The following ITPK1 variants were observed in gnomAD, a reference collection of about 807,000 sequenced individuals.
ITPK1 encodes inositol 1,3,4-trisphosphate 5/6-kinase.
ITPK1 carries 21 observed loss-of-function variants against 45.3 expected under a neutral mutation model. That is an observed-to-expected ratio of 0.46 (90% CI 0.33 to 0.67). The LOEUF is 0.67. ITPK1 is among the 30% of genes least tolerant of loss of function. The pLI is 0.02. For synonymous variants in ITPK1, 258 were observed against 253.6 expected, an observed-to-expected ratio of 1.02 and a Z score of -0.16; for missense variants, 474 against 573.5, an observed-to-expected ratio of 0.83 and a Z score of 1.77.
rs187360802 is a variant in ITPK1, at chr14:93,054,179, C to T, written c.120+22416G>A. 1.4e-3 allele frequency among the ~76,000 whole-genome samples: 215 copies of T among 152,266 alleles called. 1 individual carries two copies. The East Asian group carries it at 0.019, about 14-fold the overall frequency. On this transcript the variant is annotated intron_variant, in intron 3 of 10. Transcript: ENST00000267615. Reference sequence around the variant, plus strand: ...GAGTCCCCACTTCTAGCAAGTGAACCGAGCCAGTCACCCACGTGTAGCTGC... The same window carrying T: ...GAGTCCCCACTTCTAGCAAGTGAACTGAGCCAGTCACCCACGTGTAGCTGC...
intron 4 of ITPK1, among the ~76,000 whole-genome samples, chr14:92,999,683 C>G (rs909781271): frequency 4.6e-5 from 7 of 152,210 alleles, no homozygotes; most frequent in Non-Finnish European, 1.0e-4. Context: ...GTTAACTGGG[C>G]CTTCCTCATT....
At chr14:93,106,736 C>A (rs1214064460) in intron 2 of ITPK1, among the ~76,000 whole-genome samples, 2 of 152,174 alleles carry the variant, frequency 1.3e-5, no homozygotes, top group African/African-American at 4.8e-5. Flanking sequence ...TACATGCCGG[C>A]AAGGACCAGC....
At chr14:93,053,483 T>C (rs1268055252) in intron 3 of ITPK1, among the ~76,000 whole-genome samples, 3 of 152,200 alleles carry the variant, frequency 2.0e-5, no homozygotes, top group African/African-American at 7.2e-5. Flanking sequence ...CACTTCTTTT[T>C]AGAAGTGCTT....
In ITPK1 at chr14:93,115,911, C is replaced by G. The variant is rs1281606383; in HGVS notation, c.-282G>C. 1 of 145,510 alleles carries G rather than the reference C, an allele frequency of 6.9e-6. No homozygotes were observed. The highest frequency in any genetic ancestry group is 2.5e-5 in the African/African-American group (1 of 40,578). 9.0% of individuals were successfully genotyped at this position (145,510 alleles called of 1,614,324 possible). A position where few individuals can be genotyped will look rare whatever the true frequency, so the allele number is the denominator to read the frequency against. On this transcript the variant is annotated 5_prime_UTR_variant, in exon 1 of 11. Coordinates refer to ENST00000267615, the MANE Select transcript of ITPK1 (RefSeq NM_014216.6). ...GGCCCGGCCGCCCCGCTTGAGCCCG[C>G]GGCGGCGAGGAAGCGGCGGGGCGGC... is the stretch of plus-strand genomic sequence containing the variant.
intron 3 of ITPK1, among the ~76,000 whole-genome samples, chr14:93,056,534 C>T (rs1461084086): frequency 6.6e-6 from 1 of 152,146 alleles, no homozygotes; most frequent in Non-Finnish European, 1.5e-5. Flanking sequence ...AGCAGTGCAC[C>T]CCCAAGGGAA....
chr14:92,961,650 C>G (rs1039182689), intron 7 of ITPK1, among the ~76,000 whole-genome samples: 3 of 152,214 alleles, frequency 2.0e-5, no homozygotes, highest in African/African-American at 7.2e-5. Context: ...AGAGATGACA[C>G]TGATGGCCCA....
intron 3 of ITPK1, among the ~76,000 whole-genome samples, chr14:93,046,732 C>A (rs896533599): frequency 6.6e-6 from 1 of 152,190 alleles, no homozygotes; most frequent in African/African-American, 2.4e-5. Context: ...CCTTCTCCCA[C>A]AGCAGATGAA....
chr14:92,994,915 G>A (rs989925109), intron 4 of ITPK1, among the ~76,000 whole-genome samples: 1 of 152,200 alleles, frequency 6.6e-6, no homozygotes, highest in Non-Finnish European at 1.5e-5. Flanking sequence ...CCATATGGGT[G>A]GACCACACCA....
intron 5 of ITPK1, among the ~76,000 whole-genome samples, chr14:92,978,648 CTA>C (rs1382874038): frequency 1.3e-5 from 2 of 151,940 alleles, no homozygotes; most frequent in African/African-American, 4.9e-5. Context: ...CCAGCAGTGG[CTA>C]AAAGGGGCCA....
chr14:93,094,861 C>T (rs1170423039), intron 2 of ITPK1, among the ~76,000 whole-genome samples: 14 of 152,256 alleles, frequency 9.2e-5, no homozygotes, highest in Admixed American at 9.2e-4. Flanking sequence ...GCCCTACATG[C>T]CCAGAGTCCG....
chr14:92,948,984 C>A lies in ITPK1; in HGVS notation c.739-2491G>T, dbSNP rs969886786. ...CCCGGCTTTGCAGGACACACAGGGC[C>A]CCCCTGCTCACAGCCTCAAGGCCTT... On this transcript the variant is annotated intron_variant, in intron 9 of 10. Transcript: ENST00000267615. Among the ~76,000 whole-genome samples, 22 of 140,780 alleles carry A rather than the reference C, an allele frequency of 1.6e-4. No homozygotes were observed. In the South Asian group the frequency reaches 2.4e-3, roughly 16 times the overall value. The allele number at this position is 140,780 out of a possible 152,430, so 92.4% of individuals were successfully genotyped here.
chr14:93,057,499 G>A (rs1173123228), intron 3 of ITPK1, among the ~76,000 whole-genome samples: 1 of 152,208 alleles, frequency 6.6e-6, no homozygotes, highest in Non-Finnish European at 1.5e-5. Flanking sequence ...TATGAACAGG[G>A]CAACCTCACC....
intron 2 of ITPK1, among the ~76,000 whole-genome samples, chr14:93,096,510 C>T (rs12101080): frequency 0.25 from 37,465 of 152,172 alleles, 5,042 homozygotes; most frequent in African/African-American, 0.36. Context: ...CCAATAGATG[C>T]CTGTAAACAG....
intron 4 of ITPK1, among the ~76,000 whole-genome samples, chr14:93,009,165 C>T (rs535701653): frequency 6.6e-6 from 1 of 152,262 alleles, no homozygotes; most frequent in Admixed American, 6.5e-5. Context: ...TAGCCCCTAG[C>T]AGTGCAGAAT....
chr14:93,032,939 G>A lies in ITPK1; in HGVS notation c.121-16138C>T, dbSNP rs1483063977. On this transcript the variant is annotated intron_variant, in intron 3 of 10. Transcript: ENST00000267615. This position sits in a 1 kb window ranked among gnomAD's most constrained non-coding sequence, Gnocchi z 4.0. Reference sequence around the variant, plus strand: ...GGTGAGCCCTTTAGCAAAGGAGCTGGTGGGCTTCATCTCCCTGGGCAGCAG... The same window carrying A: ...GGTGAGCCCTTTAGCAAAGGAGCTGATGGGCTTCATCTCCCTGGGCAGCAG... 6.6e-6 allele frequency among the ~76,000 whole-genome samples: 1 copy of A among 152,246 alleles called. No homozygotes were observed. The highest frequency in any genetic ancestry group is 1.5e-5 in the Non-Finnish European group (1 of 68,044).
rs1887201435 is a variant in ITPK1 at position 92,938,126 on chromosome 14, A to C, written c.*3435T>G. The C allele has an allele frequency of 3.7e-6, 1 of 273,808 alleles. No individual in the cohort carries two copies. The highest frequency in any genetic ancestry group is 5.0e-5 in the Admixed American group (1 of 19,966). 17.0% of individuals were successfully genotyped at this position (273,808 alleles called of 1,614,324 possible). ...AGGCGCCCACCACCATGTCCAGCTA[A>C]TTTTTGTATTTTTAGTAGAGATGGG... is the stretch of plus-strand genomic sequence containing the variant. On this transcript the variant is annotated 3_prime_UTR_variant, in exon 11 of 11. Transcript: ENST00000267615.
intron 5 of ITPK1, among the ~76,000 whole-genome samples, chr14:92,978,415 A>T (rs1414956953): frequency 3.3e-5 from 5 of 152,036 alleles, no homozygotes; most frequent in Admixed American, 1.3e-4. Flanking sequence ...TTTTCTGAGG[A>T]GGAACTCAAA....
At chr14:93,019,194 G>A (rs995026456) in intron 3 of ITPK1, among the ~76,000 whole-genome samples, 3 of 152,316 alleles carry the variant, frequency 2.0e-5, no homozygotes, top group East Asian at 3.9e-4. Flanking sequence ...CGGGCCACAG[G>A]AGCGACGCAT....
chr14:93,097,331 G>A (rs1478310773), intron 2 of ITPK1, among the ~76,000 whole-genome samples: 1 of 152,194 alleles, frequency 6.6e-6, no homozygotes, highest in Non-Finnish European at 1.5e-5. Context: ...GACACAAACG[G>A]GCCTCCAGAG....
Sources: allele counts gnomAD v4.1 joint callset (sites outside exome capture counted in the v4.1 genomes callset), GRCh38; gene constraint gnomAD v4.1.1; non-coding constraint Gnocchi (gnomAD v3.1); transcripts MANE v1.5; gene names NCBI Gene and HGNC (gene_info 2026-07-23, HGNC 2026-07-21).